OXTR: variants seen among roughly 807,000 people sequenced by gnomAD.
OXTR encodes oxytocin receptor.
In OXTR, 19 loss-of-function variants were observed where a neutral mutation model predicts 23.9. The observed-to-expected ratio is 0.80, with a 90% CI of 0.56 to 1.17. OXTR has a LOEUF of 1.17. Ranked by LOEUF, OXTR falls within the 50% of genes most tolerant of loss-of-function variation. OXTR has a pLI of 0.00. For missense variants in OXTR, 500 were observed against 550.7 expected, an observed-to-expected ratio of 0.91 and a Z score of 0.92; for synonymous variants, 278 against 250.5, an observed-to-expected ratio of 1.11 and a Z score of -1.04.
At chr3:8,757,826 G>A (rs758040115) in intron 3 of OXTR, among the ~76,000 whole-genome samples, 11 of 152,194 alleles carry the variant, frequency 7.2e-5, no homozygotes, top group African/African-American at 1.9e-4. Flanking sequence ...GAGGTCAGAC[G>A]TCCATCCTTT....
At chr3:8,758,549 T>C (rs774763621) in intron 3 of OXTR, among the ~76,000 whole-genome samples, 6 of 152,166 alleles carry the variant, frequency 3.9e-5, no homozygotes, top group African/African-American at 1.4e-4. Context: ...GGCCCTTTCT[T>C]AAGAAAATGA....
At chr3:8,746,799 T>TCTCACACA (rs1226912382), downstream of OXTR, 1 of 146,986 alleles carries the variant, frequency 6.8e-6, no homozygotes, top group African/African-American at 2.5e-5. Context: ...TCTCTCTCTC[T>TCTCACACA]CACACACACA....
chr3:8,745,990 A>G (rs1057523715), downstream of OXTR: 5 of 731,652 alleles, frequency 6.8e-6, no homozygotes, highest in Admixed American at 2.6e-5. This position sits in a 1 kb window ranked among gnomAD's most constrained non-coding sequence, Gnocchi z 4.8. Context: ...ATACCCCATG[A>G]TGGAGCACAC....
At chr3:8,764,661 C>A (rs1288850191) in intron 3 of OXTR, among the ~76,000 whole-genome samples, 2 of 152,214 alleles carry the variant, frequency 1.3e-5, no homozygotes, top group African/African-American at 4.8e-5. Flanking sequence ...CTCACAGCCA[C>A]TCTGACCCCT....
chr3:8,747,162 T>A (rs145963148), downstream of OXTR, among the ~76,000 whole-genome samples: 84 of 152,236 alleles, frequency 5.5e-4, 1 homozygote, highest in East Asian at 0.016. Context: ...ACGAGCCCAG[T>A]GGTCTTGGGA....
chr3:8,747,458 C>G (rs568653539), downstream of OXTR, among the ~76,000 whole-genome samples: 1 of 152,326 alleles, frequency 6.6e-6, no homozygotes, highest in Non-Finnish European at 1.5e-5. Context: ...CATCTATCCA[C>G]CCCTCTATCC....
At chr3:8,743,896 T>C in the OXTR span, among the ~76,000 whole-genome samples, 3 of 152,196 alleles carry the variant, frequency 2.0e-5, no homozygotes, top group African/African-American at 4.8e-5. Flanking sequence ...TTCTATTCTG[T>C]TAATTCTCTG....
intron 3 of OXTR, among the ~76,000 whole-genome samples, chr3:8,759,368 T>C (rs1254180094): frequency 2.0e-5 from 3 of 152,182 alleles, no homozygotes; most frequent in African/African-American, 7.2e-5. Context: ...CATCACCCCA[T>C]CATATTGTCA....
chr3:8,753,568 T>C (rs1327663944), intron 3 of OXTR, among the ~76,000 whole-genome samples: 2 of 152,218 alleles, frequency 1.3e-5, no homozygotes, highest in Non-Finnish European at 2.9e-5. Flanking sequence ...ACCCAATGAA[T>C]GTTGAGTGCC....
intron 3 of OXTR, among the ~76,000 whole-genome samples, chr3:8,759,817 A>G (rs1708449850): frequency 6.6e-6 from 1 of 152,196 alleles, no homozygotes; most frequent in African/African-American, 2.4e-5. Flanking sequence ...ATACTGGCAG[A>G]GGCTGCCCCT....
chr3:8,754,730 G>A (rs2124996507), intron 3 of OXTR, among the ~76,000 whole-genome samples: 1 of 152,278 alleles, frequency 6.6e-6, no homozygotes, highest in South Asian at 2.1e-4. Context: ...GGAACTTGCT[G>A]GAAATGCACA....
chr3:8,759,133 A>C (rs982012277), intron 3 of OXTR, among the ~76,000 whole-genome samples: 6 of 152,214 alleles, frequency 3.9e-5, no homozygotes, highest in African/African-American at 1.4e-4. Flanking sequence ...CAAATCGTAT[A>C]GATAGGAAAG....
chr3:8,748,927 C>G (rs1472399896), downstream of OXTR, among the ~76,000 whole-genome samples: 2 of 152,112 alleles, frequency 1.3e-5, no homozygotes, highest in Non-Finnish European at 2.9e-5. Context: ...CTCAGAGTTT[C>G]CACGTTCACT....
rs974075564 is a variant in OXTR, at chr3:8,755,148, C to T, written c.923-1924G>A. Among the ~76,000 whole-genome samples the T allele has an allele frequency of 4.6e-5, 7 of 152,036 alleles. No homozygotes were observed. In the South Asian group the frequency reaches 1.5e-3, roughly 32 times the overall value. ...CCACAAGACTAAAAACAGAATGTCT[C>T]AGAAATAATGAAAGAGGCAAAAATC... On this transcript the variant is annotated intron_variant, in intron 3 of 3. Coordinates refer to ENST00000316793, the MANE Select transcript of OXTR (RefSeq NM_000916.4).
Position 8,750,754 on chromosome 3 carries a change from A to G in OXTR, c.*2223T>C, listed in dbSNP as rs2124991649. On this transcript the variant is annotated 3_prime_UTR_variant, in exon 4 of 4. Transcript: ENST00000316793. ...TCTAATAATGTTCCATTGCGTGGACAGACCACATTTTATTTCCCATTCATC... is the reference window on the plus strand; with the variant it reads ...TCTAATAATGTTCCATTGCGTGGACGGACCACATTTTATTTCCCATTCATC... 6.6e-6 allele frequency: 1 copy of G among 152,350 alleles called. No individual in the cohort carries two copies. Among genetic ancestry groups the G allele is most frequent in the African/African-American group, 2.4e-5 (1 of 41,578 alleles). The allele number at this position is 152,350 out of a possible 1,614,324, so 9.4% of individuals were successfully genotyped here.
chr3:8,742,233 C>T, the OXTR span, among the ~76,000 whole-genome samples: 3 of 152,052 alleles, frequency 2.0e-5, no homozygotes, highest in Non-Finnish European at 2.9e-5. Flanking sequence ...CCTCCAAGCC[C>T]AGCCCAGCCC....
At chr3:8,748,317 C>T (rs929501891), downstream of OXTR, among the ~76,000 whole-genome samples, 13 of 152,326 alleles carry the variant, frequency 8.5e-5, no homozygotes, top group African/African-American at 2.6e-4. Flanking sequence ...CCCAGAGTTC[C>T]ACTGTGGTTC....
In OXTR at chr3:8,768,029, C is replaced by A. The variant is rs202237352; in HGVS notation, c.159G>T (p.Ala53=). Residue 53 remains alanine (A), a synonymous_variant, in exon 3 of 4, where the codon GCG becomes GCT. Coordinates refer to ENST00000316793, the MANE Select transcript of OXTR (RefSeq NM_000916.4). The surrounding 1 kb of genome is among the most constrained non-coding windows in gnomAD (Gnocchi z 5.4). ...GCAGCACACACGCGTTCCCGCTCAG[C>A]GCCAGGAGCAGGATGAGACACAGCA... The part of the protein sequence containing the change: ...VAVLCLILLL[A]LSGNACVLLA... 8.1e-6 allele frequency: 13 copies of A among 1,603,706 alleles called. No individual in the cohort carries two copies. The Admixed American group carries it at 2.0e-4, about 25-fold the overall frequency.
At chr3:8,748,271 G>A (rs992427169), downstream of OXTR, among the ~76,000 whole-genome samples, 1 of 152,170 alleles carries the variant, frequency 6.6e-6, no homozygotes, top group Non-Finnish European at 1.5e-5. Context: ...TATTTGTTAG[G>A]GTTCCTTCAA....
Sources: allele counts gnomAD v4.1 joint callset (sites outside exome capture counted in the v4.1 genomes callset), GRCh38; gene constraint gnomAD v4.1.1; non-coding constraint Gnocchi (gnomAD v3.1); transcripts MANE v1.5; gene names NCBI Gene and HGNC (gene_info 2026-07-23, HGNC 2026-07-21).